Variants in CHCHD6 observed in about 807,000 individuals in gnomAD.
The protein encoded by CHCHD6 is MICOS complex subunit MIC25.
Under a neutral mutation model 32.3 loss-of-function variants are expected in CHCHD6, and 28 were observed. The ratio of observed to expected loss-of-function variants is 0.87; its 90% confidence interval spans 0.64 to 1.19. The LOEUF (loss-of-function observed/expected upper bound fraction) is 1.19. CHCHD6 is among the 50% of genes most tolerant of loss of function. The pLI is 0.00. For missense variants in CHCHD6, 333 were observed against 307.0 expected, an observed-to-expected ratio of 1.08 and a Z score of -0.63; for synonymous variants, 122 against 117.5, an observed-to-expected ratio of 1.04 and a Z score of -0.25.
At chr3:126,937,118 C>G (rs2078491628) in intron 6 of CHCHD6, among the ~76,000 whole-genome samples, 1 of 152,224 alleles carries the variant, frequency 6.6e-6, no homozygotes, top group Non-Finnish European at 1.5e-5. Flanking sequence ...ATTTTAAACA[C>G]AAGGAAGCCA....
chr3:126,947,775 T>A (rs1204809369), intron 6 of CHCHD6, among the ~76,000 whole-genome samples: 1 of 152,228 alleles, frequency 6.6e-6, no homozygotes, highest in Non-Finnish European at 1.5e-5. Context: ...TCCCACAGGC[T>A]GATCCTCATC....
At chr3:126,754,923 G>T (rs994601612) in intron 4 of CHCHD6, among the ~76,000 whole-genome samples, 13 of 152,212 alleles carry the variant, frequency 8.5e-5, no homozygotes, top group Non-Finnish European at 1.5e-5. Context: ...CAAGGAGGGA[G>T]TGTGGCTGCT....
chr3:126,906,415 T>G (rs1309318086), intron 5 of CHCHD6, among the ~76,000 whole-genome samples: 1 of 152,228 alleles, frequency 6.6e-6, no homozygotes, highest in African/African-American at 2.4e-5. Context: ...AGTGGCTCCC[T>G]ACCAACTCTG....
At chr3:126,911,234 C>G (rs2078086248) in intron 5 of CHCHD6, among the ~76,000 whole-genome samples, 1 of 152,140 alleles carries the variant, frequency 6.6e-6, no homozygotes, top group South Asian at 2.1e-4. Context: ...GGCCAGGGAG[C>G]AAGCCACACT....
chr3:126,709,984 A>G (rs1050310577), intron 1 of CHCHD6, among the ~76,000 whole-genome samples: 4 of 152,232 alleles, frequency 2.6e-5, no homozygotes, highest in Admixed American at 2.0e-4. Context: ...CTACATGGAT[A>G]CCAAAGGATG....
At chr3:126,789,996 A>G (rs1008842419) in intron 4 of CHCHD6, among the ~76,000 whole-genome samples, 8 of 152,110 alleles carry the variant, frequency 5.3e-5, no homozygotes, top group Non-Finnish European at 1.0e-4. Flanking sequence ...TGCTTGCTTC[A>G]GGAGCTCTTG....
chr3:126,766,751 C>A, intron 4 of CHCHD6: 1 of 1,144,058 alleles, frequency 8.7e-7, no homozygotes, highest in Non-Finnish European at 1.3e-6. Context: ...GTGGTAGATT[C>A]ACGGGAGGTG....
intron 7 of CHCHD6, among the ~76,000 whole-genome samples, chr3:126,958,860 CCAGA>C (rs1167763161): frequency 6.6e-6 from 1 of 152,196 alleles, no homozygotes; most frequent in East Asian, 1.9e-4. Context: ...TTCGCACCGA[CCAGA>C]CACTTAGCTC....
At chr3:126,918,238 C>A (rs988128112) in intron 6 of CHCHD6, among the ~76,000 whole-genome samples, 3 of 152,148 alleles carry the variant, frequency 2.0e-5, no homozygotes, top group Admixed American at 6.5e-5. Context: ...AAATAAATGC[C>A]AACTGCTGAT....
At chr3:126,764,131 T>C (rs1047606555) in intron 4 of CHCHD6, among the ~76,000 whole-genome samples, 1 of 149,916 alleles carries the variant, frequency 6.7e-6, no homozygotes, top group African/African-American at 2.4e-5. Flanking sequence ...ATATCATTTA[T>C]TTAAAATGTT....
intron 4 of CHCHD6, among the ~76,000 whole-genome samples, chr3:126,802,367 A>G (rs905764238): frequency 2.0e-5 from 3 of 152,246 alleles, no homozygotes; most frequent in Non-Finnish European, 4.4e-5. Context: ...AGAAGTGCTT[A>G]AAGGAGCTGA....
At chr3:126,717,523 A>G (rs6806496) in intron 1 of CHCHD6, among the ~76,000 whole-genome samples, 2,373 of 152,250 alleles carry the variant, frequency 0.016, 53 homozygotes, top group African/African-American at 0.051. Flanking sequence ...AGTCCTGGCT[A>G]CTCAGGAGGC....
chr3:126,815,393 C>G (rs757140109), intron 4 of CHCHD6, among the ~76,000 whole-genome samples: 17 of 152,132 alleles, frequency 1.1e-4, no homozygotes, highest in Admixed American at 5.2e-4. Context: ...GCAGCATGGT[C>G]GCACACAGAA....
intron 7 of CHCHD6, chr3:126,957,926 G>A (rs1195749082): frequency 2.7e-6 from 1 of 364,178 alleles, no homozygotes; most frequent in Non-Finnish European, 5.3e-6. Flanking sequence ...CGAGTGCAGA[G>A]TGGGGGTCCC....
At chr3:126,712,857 G>A (rs902688554) in intron 1 of CHCHD6, among the ~76,000 whole-genome samples, 7 of 152,222 alleles carry the variant, frequency 4.6e-5, no homozygotes, top group Admixed American at 4.6e-4. Flanking sequence ...AATTGACTGT[G>A]TCCAAATGGG....
intron 5 of CHCHD6, among the ~76,000 whole-genome samples, chr3:126,861,448 C>T (rs1941860179): frequency 6.6e-6 from 1 of 151,874 alleles, no homozygotes; most frequent in African/African-American, 2.4e-5. Context: ...AGTGTTTATC[C>T]AGGAGGAGCT....
intron 5 of CHCHD6, among the ~76,000 whole-genome samples, chr3:126,857,234 G>GT (rs1941692463): frequency 6.6e-6 from 1 of 152,186 alleles, no homozygotes; most frequent in Admixed American, 6.5e-5. Flanking sequence ...CAGGCTTCCT[G>GT]TGAGTAGAGG....
chr3:126,737,843 G>A (rs1936117406), intron 4 of CHCHD6, among the ~76,000 whole-genome samples: 1 of 144,852 alleles, frequency 6.9e-6, no homozygotes, highest in African/African-American at 2.9e-5. Flanking sequence ...GGAGGCTAGA[G>A]GGGCCCACAG....
chr3:126,727,262 T>G (rs1935579076), intron 2 of CHCHD6, 76 bp downstream of exon 2: 2 of 1,033,450 alleles, frequency 1.9e-6, no homozygotes, highest in Admixed American at 1.9e-5. Context: ...CGAGCCCACC[T>G]GATGGCGCAC....
Sources: gnomAD v4.1 joint callset for allele counts (sites outside exome capture counted in the v4.1 genomes callset) on GRCh38, gnomAD v4.1.1 for gene constraint, MANE v1.5 for transcripts, NCBI Gene and HGNC (gene_info 2026-07-23, HGNC 2026-07-21) for gene names.